The following RASSF3 variants were observed in gnomAD, a reference collection of about 807,000 sequenced individuals.
RASSF3 encodes the protein Ras association domain family member 3.
Under a neutral mutation model 19.9 loss-of-function variants are expected in RASSF3, and 19 were observed. That is an observed-to-expected ratio of 0.96 (90% CI 0.67 to 1.40). The LOEUF is 1.40. Among genes scored for constraint, RASSF3 ranks in the 40% most tolerant of loss-of-function variants. RASSF3 has a pLI of 0.00. For missense variants in RASSF3, 306 were observed against 289.8 expected (o/e 1.06, Z -0.41); for synonymous variants, 110 against 104.2 (o/e 1.06, Z -0.34).
At chr12:64,578,242 ACC>A (rs1301807014) in intron 2 of RASSF3, among the ~76,000 whole-genome samples, 1 of 152,048 alleles carries the variant, frequency 6.6e-6, no homozygotes, top group African/African-American at 2.4e-5. Context: ...AAAAACAAAA[ACC>A]TAAAATTTAC....
chr12:64,612,722 C>T (rs905635949), intron 1 of RASSF3, among the ~76,000 whole-genome samples: 23 of 152,140 alleles, frequency 1.5e-4, no homozygotes, highest in African/African-American at 5.1e-4. Context: ...GTAATCTGCC[C>T]GCCTTGGCCT....
intron 1 of RASSF3, among the ~76,000 whole-genome samples, chr12:64,645,585 T>C (rs1298145211): frequency 6.6e-6 from 1 of 152,116 alleles, no homozygotes; most frequent in Non-Finnish European, 1.5e-5. Context: ...TAGGTGTGTA[T>C]TCTGTTTCAT....
chr12:64,607,692 T>C (rs1286334691), upstream of RASSF3, among the ~76,000 whole-genome samples: 1 of 152,060 alleles, frequency 6.6e-6, no homozygotes, highest in African/African-American at 2.4e-5. Flanking sequence ...TTATTTATGT[T>C]TTTTTTGTTG....
chr12:64,565,999 G>A (rs1181266408), intron 2 of RASSF3, among the ~76,000 whole-genome samples: 3 of 151,978 alleles, frequency 2.0e-5, no homozygotes, highest in East Asian at 1.9e-4. Context: ...TTGGGAGTTC[G>A]AGACCAGCCT....
intron 1 of RASSF3, among the ~76,000 whole-genome samples, chr12:64,641,031 A>G (rs1166563042): frequency 6.6e-6 from 1 of 151,912 alleles, no homozygotes; most frequent in East Asian, 1.9e-4. Context: ...GTCTTATTTC[A>G]TGACATTAAA....
chr12:64,634,150 G>T (rs142693314), intron 1 of RASSF3, among the ~76,000 whole-genome samples: 1 of 152,176 alleles, frequency 6.6e-6, no homozygotes, highest in East Asian at 1.9e-4. Context: ...AACAAGAATT[G>T]TGTGAGCTGA....
At chr12:64,614,194 C>T (rs995388046) in intron 1 of RASSF3, among the ~76,000 whole-genome samples, 3 of 144,728 alleles carry the variant, frequency 2.1e-5, no homozygotes, top group African/African-American at 5.2e-5. Context: ...AGTGCAATGG[C>T]GTGATCTCGG....
chr12:64,624,105 A>T (rs1282282196), intron 1 of RASSF3, among the ~76,000 whole-genome samples: 2 of 151,926 alleles, frequency 1.3e-5, no homozygotes, highest in South Asian at 4.1e-4. Context: ...TATTTGTGAA[A>T]TTTGGGGGAA....
chr12:64,684,859 A>T lies in RASSF3; in HGVS notation c.184A>T (p.Asn62Tyr). 1 of 1,613,250 alleles carries T rather than the reference A, an allele frequency of 6.2e-7. No homozygotes were observed. Among genetic ancestry groups the T allele is most frequent in the East Asian group, 2.2e-5 (1 of 44,878 alleles). Residue 62 changes from asparagine to tyrosine, a missense_variant, in exon 2 of 5, where the codon AAC becomes TAC. Transcript: ENST00000542104. ...GATCAAAGAGAAAGTTCATAAATACAACTTAGCAGTCACAGACAAGTTGAA... is the reference window on the plus strand; with the variant it reads ...GATCAAAGAGAAAGTTCATAAATACTACTTAGCAGTCACAGACAAGTTGAA... ...EEIKEKVHKY[N>Y]LAVTDKLKMT...
chr12:64,677,657 G>A (rs1489036072), intron 1 of RASSF3, among the ~76,000 whole-genome samples: 1 of 152,174 alleles, frequency 6.6e-6, no homozygotes, highest in African/African-American at 2.4e-5. Context: ...ATACAAAACT[G>A]TCCCAGGTGG....
intron 1 of RASSF3, among the ~76,000 whole-genome samples, chr12:64,620,813 G>C (rs1054566314): frequency 6.6e-6 from 1 of 151,980 alleles, no homozygotes; most frequent in Non-Finnish European, 1.5e-5. Context: ...GCCAATTTAT[G>C]TCTATTTTTA....
At chr12:64,637,825 G>C (rs1871374437) in intron 1 of RASSF3, among the ~76,000 whole-genome samples, 1 of 149,920 alleles carries the variant, frequency 6.7e-6, no homozygotes, top group Non-Finnish European at 1.5e-5. Context: ...TTTTTCTATA[G>C]TTATCAGATT....
chr12:64,520,377 G>C (rs973510120), intron 1 of RASSF3, among the ~76,000 whole-genome samples: 1 of 151,490 alleles, frequency 6.6e-6, no homozygotes, highest in Non-Finnish European at 1.5e-5. Flanking sequence ...TGGCCAGGCT[G>C]GTCTCAAACT....
chr12:64,676,154 T>C (rs1872890770), intron 1 of RASSF3, among the ~76,000 whole-genome samples: 2 of 149,332 alleles, frequency 1.3e-5, no homozygotes. Context: ...GATTCTTTCC[T>C]TCAGGAGTAG....
At chr12:64,544,962 T>C (rs151055299), downstream of RASSF3, among the ~76,000 whole-genome samples, 3 of 152,306 alleles carry the variant, frequency 2.0e-5, no homozygotes, top group East Asian at 5.8e-4. Flanking sequence ...CCCATTCAAC[T>C]CAATTACACT....
At chr12:64,590,156 G>C (rs1179019790) in intron 2 of RASSF3, among the ~76,000 whole-genome samples, 1 of 151,396 alleles carries the variant, frequency 6.6e-6, no homozygotes, top group African/African-American at 2.4e-5. Flanking sequence ...AGGATCACTT[G>C]AGCCTGGGAG....
At chr12:64,532,673 A>AT (rs143144734), upstream of RASSF3, among the ~76,000 whole-genome samples, 22 of 148,970 alleles carry the variant, frequency 1.5e-4, no homozygotes, top group East Asian at 7.9e-4. Flanking sequence ...AAAAAAAAAA[A>AT]TTTTTTTTTT....
chr12:64,571,691 T>C (rs1228707671), intron 2 of RASSF3, among the ~76,000 whole-genome samples: 1 of 152,186 alleles, frequency 6.6e-6, no homozygotes, highest in Non-Finnish European at 1.5e-5. Context: ...AGCAATTATC[T>C]CCCTATCGTA....
At chr12:64,641,414 A>ACACACACACACACACACACACACACGCG in intron 1 of RASSF3, among the ~76,000 whole-genome samples, 3 of 142,194 alleles carry the variant, frequency 2.1e-5, no homozygotes, top group African/African-American at 8.4e-5. Flanking sequence ...ACACACACAC[A>ACACACACACACACACACACACACACGCG]CGCGCGCGCG....
Sources: gnomAD v4.1 joint callset for allele counts (sites outside exome capture counted in the v4.1 genomes callset) on GRCh38, gnomAD v4.1.1 for gene constraint, MANE v1.5 for transcripts, NCBI Gene and HGNC (gene_info 2026-07-23, HGNC 2026-07-21) for gene names.